The following CNIH3 variants were observed in gnomAD, a reference collection of about 807,000 sequenced individuals.
The protein encoded by CNIH3 is cornichon family AMPA receptor auxiliary protein 3.
Under a neutral mutation model 24.1 loss-of-function variants are expected in CNIH3, and 14 were observed. The ratio of observed to expected loss-of-function variants is 0.58; its 90% CI spans 0.38 to 0.91. The LOEUF is 0.91. Among genes scored for constraint, CNIH3 ranks in the 40% least tolerant of loss-of-function variants. The pLI, the probability that CNIH3 is intolerant of heterozygous loss-of-function variation, is 0.00. For synonymous variants in CNIH3, 68 were observed against 73.8 expected, an observed-to-expected ratio of 0.92 and a Z score of 0.40; for missense variants, 178 against 196.8, an observed-to-expected ratio of 0.90 and a Z score of 0.57.
intron 1 of CNIH3, among the ~76,000 whole-genome samples, chr1:224,486,554 C>T (rs923434368): frequency 6.6e-6 from 1 of 152,132 alleles, no homozygotes; most frequent in African/African-American, 2.4e-5. Context: ...TACACACATA[C>T]ACTTATATGC....
chr1:224,488,673 A>T (rs1483162361), intron 1 of CNIH3, among the ~76,000 whole-genome samples: 5 of 152,058 alleles, frequency 3.3e-5, no homozygotes, highest in Non-Finnish European at 7.4e-5. Flanking sequence ...TCTCTATGTC[A>T]CCCAGACTAG....
intron 1 of CNIH3, among the ~76,000 whole-genome samples, chr1:224,446,221 T>G (rs1475349051): frequency 6.6e-6 from 1 of 151,362 alleles, no homozygotes; most frequent in Non-Finnish European, 1.5e-5. Flanking sequence ...TGTTTTTTTT[T>G]TTTTTTTTTG....
At chr1:224,624,090 G>A (rs1221684630) in intron 1 of CNIH3, among the ~76,000 whole-genome samples, 1 of 152,182 alleles carries the variant, frequency 6.6e-6, no homozygotes, top group Non-Finnish European at 1.5e-5. Flanking sequence ...TTTGCTATTT[G>A]TGTATCTTAT....
At chr1:224,661,603 A>G (rs573445010) in intron 1 of CNIH3, 43 of 360,984 alleles carry the variant, frequency 1.2e-4, no homozygotes, top group African/African-American at 9.1e-4. Flanking sequence ...GACATCATCT[A>G]CGTTATGAAA....
chr1:224,542,812 CTAAAATT>C (rs1469970923), intron 2 of CNIH3, among the ~76,000 whole-genome samples: 8 of 152,174 alleles, frequency 5.3e-5, no homozygotes, highest in Admixed American at 3.3e-4. Context: ...AGTGATCTTT[CTAAAATT>C]TAACTCAGAT....
chr1:224,481,687 C>T (rs1676819615), intron 1 of CNIH3, among the ~76,000 whole-genome samples: 3 of 152,208 alleles, frequency 2.0e-5, no homozygotes, highest in Admixed American at 2.0e-4. Context: ...ACTGGGATTG[C>T]ACTGGGTCAA....
chr1:224,474,631 G>T (rs1204431994), intron 1 of CNIH3, among the ~76,000 whole-genome samples: 1 of 151,874 alleles, frequency 6.6e-6, no homozygotes, highest in Non-Finnish European at 1.5e-5. Context: ...TTGAAATGAA[G>T]AAAACAATAC....
chr1:224,681,819 A>G (rs1686419240), intron 2 of CNIH3, among the ~76,000 whole-genome samples: 1 of 152,144 alleles, frequency 6.6e-6, no homozygotes, highest in Admixed American at 6.5e-5. Context: ...CCCTACCTGC[A>G]CTTCTGAGTT....
intron 2 of CNIH3, among the ~76,000 whole-genome samples, chr1:224,544,807 G>T (rs1679642116): frequency 6.6e-6 from 1 of 152,162 alleles, no homozygotes; most frequent in Admixed American, 6.5e-5. Context: ...TGTTGCTATT[G>T]CTGCTGTCAC....
intron 5 of CNIH3, among the ~76,000 whole-genome samples, chr1:224,583,930 G>A (rs1448513497): frequency 1.3e-5 from 2 of 152,170 alleles, no homozygotes; most frequent in Admixed American, 1.3e-4. Flanking sequence ...ACCAGTCGCT[G>A]CTCCAATGTA....
At chr1:224,696,013 A>G (rs1687161435) in intron 3 of CNIH3, among the ~76,000 whole-genome samples, 2 of 152,186 alleles carry the variant, frequency 1.3e-5, no homozygotes, top group South Asian at 2.1e-4. Flanking sequence ...GTATTGGGAT[A>G]TGGGTTTGGG....
intron 3 of CNIH3, among the ~76,000 whole-genome samples, chr1:224,728,234 C>T (rs1177898883): frequency 1.3e-5 from 2 of 152,212 alleles, no homozygotes; most frequent in African/African-American, 4.8e-5. Context: ...TAGCAGAACT[C>T]ACAGCCACTG....
intron 1 of CNIH3, among the ~76,000 whole-genome samples, chr1:224,448,607 T>C (rs908881985): frequency 3.3e-5 from 5 of 152,224 alleles, no homozygotes; most frequent in Non-Finnish European, 7.3e-5. Context: ...CCAATAGTCA[T>C]GCGTCCATGG....
At chr1:224,473,687 A>G (rs1419994722) in intron 1 of CNIH3, among the ~76,000 whole-genome samples, 1 of 152,172 alleles carries the variant, frequency 6.6e-6, no homozygotes, top group Non-Finnish European at 1.5e-5. Context: ...AGAGAGAGAG[A>G]CAACAATAGC....
Position 224,684,485 on chromosome 1 carries a change from C to G in CNIH3, c.151-311C>G, listed in dbSNP as rs1251845647. Among the ~76,000 whole-genome samples the G allele has an allele frequency of 2.6e-5, 4 of 152,186 alleles. No homozygotes were observed. Among genetic ancestry groups the G allele is most frequent in the African/African-American group, 9.7e-5 (4 of 41,436 alleles). On this transcript the variant is annotated intron_variant, in intron 2 of 5. Transcript: ENST00000272133. This position sits in a 1 kb window ranked among gnomAD's most constrained non-coding sequence, Gnocchi z 4.2. ...CATTCAGCAGTTTGACCACCTTATA[C>G]GTACATGGAGGCTGAGAGAGACTTT... is the stretch of plus-strand genomic sequence containing the variant.
chr1:224,592,721 T>C (rs1418125214), downstream of CNIH3, among the ~76,000 whole-genome samples: 1 of 152,156 alleles, frequency 6.6e-6, no homozygotes, highest in Non-Finnish European at 1.5e-5. Flanking sequence ...GGATCTAGTT[T>C]TGACAGCTGA....
intron 3 of CNIH3, among the ~76,000 whole-genome samples, chr1:224,706,857 A>G (rs1687837504): frequency 6.6e-6 from 1 of 151,524 alleles, no homozygotes; most frequent in Non-Finnish European, 1.5e-5. Flanking sequence ...ATATGTCCCA[A>G]TCCTATTGAC....
At chr1:224,512,421 A>G (rs1678193705), upstream of CNIH3, among the ~76,000 whole-genome samples, 1 of 152,204 alleles carries the variant, frequency 6.6e-6, no homozygotes, top group Admixed American at 6.5e-5. Context: ...TTGAGGTTAC[A>G]GTGAACTATG....
chr1:224,542,103 A>C (rs1679532321), downstream of CNIH3, among the ~76,000 whole-genome samples: 1 of 152,172 alleles, frequency 6.6e-6, no homozygotes, highest in South Asian at 2.1e-4. Flanking sequence ...ACTTCCTATC[A>C]GATGCCTCTG....
Sources: gnomAD v4.1 joint callset for allele counts (sites outside exome capture counted in the v4.1 genomes callset) on GRCh38, gnomAD v4.1.1 for gene constraint, Gnocchi (gnomAD v3.1) non-coding constraint, MANE v1.5 for transcripts, NCBI Gene and HGNC (gene_info 2026-07-23, HGNC 2026-07-21) for gene names.